The following AGBL1 variants were observed in gnomAD, a reference collection of about 807,000 sequenced individuals.
AGBL1 encodes AGBL carboxypeptidase 1.
A neutral mutation model predicts 118.9 loss-of-function variants in AGBL1; 130 were observed. The observed-to-expected ratio is 1.09, with a 90% CI of 0.95 to 1.26. AGBL1 has a LOEUF of 1.26. AGBL1 is among the 50% of genes most tolerant of loss of function. The pLI is 0.00. For missense variants in AGBL1, 1,584 were observed against 1,298.1 expected (o/e 1.22, Z -3.38); for synonymous variants, 555 against 478.9 (o/e 1.16, Z -2.08).
intron 17 of AGBL1, among the ~76,000 whole-genome samples, chr15:86,395,804 G>A (rs533571836): frequency 5.3e-5 from 8 of 152,040 alleles, no homozygotes; most frequent in Non-Finnish European, 1.0e-4. Context: ...TTTGGTCTTA[G>A]TGATGATAAT....
At chr15:86,133,724 G>GT (rs1401595164) in intron 1 of AGBL1, among the ~76,000 whole-genome samples, 2 of 152,172 alleles carry the variant, frequency 1.3e-5, no homozygotes, top group African/African-American at 2.4e-5. Flanking sequence ...TCAATGTGTG[G>GT]TTGGGACATT....
intron 18 of AGBL1, among the ~76,000 whole-genome samples, chr15:86,470,143 G>T (rs1016280958): frequency 1.3e-5 from 2 of 152,040 alleles, no homozygotes; most frequent in Non-Finnish European, 2.9e-5. Context: ...CAAGCATCAT[G>T]GTCCAGACTA....
intron 22 of AGBL1, among the ~76,000 whole-genome samples, chr15:86,833,688 G>A (rs144848072): frequency 6.6e-6 from 1 of 152,132 alleles, no homozygotes; most frequent in Non-Finnish European, 1.5e-5. Flanking sequence ...GCCTGCTAAA[G>A]CTCAAATAGA....
At chr15:86,412,712 A>T (rs1032699620) in intron 18 of AGBL1, among the ~76,000 whole-genome samples, 1 of 152,176 alleles carries the variant, frequency 6.6e-6, no homozygotes, top group Non-Finnish European at 1.5e-5. Flanking sequence ...CATTTGAAAT[A>T]TAGGGCAAAT....
At chr15:86,601,157 G>C (rs2084487025) in intron 21 of AGBL1, among the ~76,000 whole-genome samples, 1 of 152,120 alleles carries the variant, frequency 6.6e-6, no homozygotes, top group Non-Finnish European at 1.5e-5. Context: ...CAAGGAAATG[G>C]TGGGAATAAT....
rs569838934 is a variant in AGBL1 at position 86,176,115 on chromosome 15, A to G, written c.488+17089A>G. Among the ~76,000 whole-genome samples the G allele has an allele frequency of 5.9e-5, 9 of 152,324 alleles. 1 individual carries two copies. Among genetic ancestry groups the G allele is most frequent in the South Asian group, 4.1e-4 (2 of 4,832 alleles). The stretch of plus-strand genomic sequence containing the variant: ...CCCAACTATTATTGAATTGGAGTCT[A>G]TCTCTCCAGTAAGGTCATTGGTGGG... On this transcript the variant is annotated intron_variant, in intron 5 of 22. Transcript: ENST00000614907.
intron 17 of AGBL1, among the ~76,000 whole-genome samples, chr15:86,336,506 C>A (rs1210472037): frequency 6.6e-6 from 1 of 152,304 alleles, no homozygotes; most frequent in East Asian, 1.9e-4. Flanking sequence ...CAGACTGGAA[C>A]AAGGCACTTG....
chr15:86,496,333 A>G (rs1039682220), intron 18 of AGBL1, among the ~76,000 whole-genome samples: 3 of 152,024 alleles, frequency 2.0e-5, no homozygotes, highest in Non-Finnish European at 4.4e-5. Context: ...TGGAACTGTG[A>G]GTCAATTAAA....
chr15:86,101,656 C>G (rs1305727260), intron 1 of AGBL1, among the ~76,000 whole-genome samples: 1 of 139,160 alleles, frequency 7.2e-6, no homozygotes, highest in Non-Finnish European at 1.5e-5. Context: ...TAGTTTTTGA[C>G]TTATAATCTG....
chr15:86,110,615 A>G (rs1217059301), intron 1 of AGBL1, among the ~76,000 whole-genome samples: 1 of 152,126 alleles, frequency 6.6e-6, no homozygotes, highest in African/African-American at 2.4e-5. Context: ...ATGCTGTCCA[A>G]GGGCCAACTC....
At chr15:86,932,851 G>A (rs1437489289) in intron 23 of AGBL1, 5 of 151,854 alleles carry the variant, frequency 3.3e-5, no homozygotes, top group Non-Finnish European at 7.4e-5. Flanking sequence ...AAGACTTTTA[G>A]CCAATGTTTT....
At chr15:86,459,355 G>A (rs1052613654) in intron 18 of AGBL1, among the ~76,000 whole-genome samples, 5 of 152,122 alleles carry the variant, frequency 3.3e-5, no homozygotes, top group African/African-American at 1.2e-4. Context: ...GAGGGAAACC[G>A]AAGCCACAAC....
chr15:86,270,132 G>A (rs1567169372), intron 14 of AGBL1, 65 bp downstream of exon 14: 3 of 1,538,916 alleles, frequency 1.9e-6, no homozygotes, highest in Non-Finnish European at 2.6e-6. Context: ...TTGACTGTTT[G>A]GATTCAAAGA....
chr15:86,087,134 A>G (rs1418456751), intron 1 of AGBL1, among the ~76,000 whole-genome samples: 1 of 152,214 alleles, frequency 6.6e-6, no homozygotes, highest in East Asian at 1.9e-4. Context: ...AAACTTGTTT[A>G]ACACATATTT....
At chr15:86,795,805 T>C (rs979109257) in intron 22 of AGBL1, among the ~76,000 whole-genome samples, 2 of 151,448 alleles carry the variant, frequency 1.3e-5, no homozygotes, top group Non-Finnish European at 2.9e-5. Context: ...AGGCTGGTCT[T>C]AAACTCCTGA....
chr15:86,624,721 C>A (rs1488594296), intron 21 of AGBL1, among the ~76,000 whole-genome samples: 1 of 152,182 alleles, frequency 6.6e-6, no homozygotes, highest in Non-Finnish European at 1.5e-5. Context: ...TATTAAGGGA[C>A]ACTGTGCTGT....
chr15:86,400,480 G>GGGGGAACA (rs1382287081), intron 18 of AGBL1, among the ~76,000 whole-genome samples: 2 of 148,968 alleles, frequency 1.3e-5, no homozygotes, highest in African/African-American at 5.0e-5. Flanking sequence ...TAACAGTTTT[G>GGGGGAACA]GGGGAACAGG....
rs556827982 is a variant in AGBL1, at chr15:86,544,115, A to G, written c.2686-1887A>G. Among the ~76,000 whole-genome samples the G allele has an allele frequency of 2.6e-5, 4 of 152,336 alleles. No homozygotes were observed. The South Asian group carries it at 6.2e-4, about 24-fold the overall frequency. On this transcript the variant is annotated intron_variant, in intron 19 of 22. Coordinates refer to ENST00000614907, the MANE Select transcript of AGBL1 (RefSeq NM_001386094.1). ...TATTCTAACACTTAGCTTTTGTTGT[A>G]TAATAAACCACAGCAAAACTTAGTG...
intron 22 of AGBL1, among the ~76,000 whole-genome samples, chr15:86,738,532 G>T (rs1274130407): frequency 6.6e-6 from 1 of 152,066 alleles, no homozygotes; most frequent in Non-Finnish European, 1.5e-5. Flanking sequence ...CAGTAAACTG[G>T]CAAAATACAG....
Sources: gnomAD v4.1 joint callset for allele counts (sites outside exome capture counted in the v4.1 genomes callset) on GRCh38, gnomAD v4.1.1 for gene constraint, MANE v1.5 for transcripts, NCBI Gene and HGNC (gene_info 2026-07-23, HGNC 2026-07-21) for gene names.